Variants in CCDC91 observed in about 807,000 individuals in gnomAD.
CCDC91 encodes the protein coiled-coil domain containing 91.
In CCDC91, 48 loss-of-function variants were observed where a neutral mutation model predicts 63.2. The ratio of observed to expected loss-of-function variants is 0.76; its 90% CI spans 0.60 to 0.97. The LOEUF (loss-of-function observed/expected upper bound fraction) is 0.97. Ranked by LOEUF, CCDC91 falls within the 50% of genes least tolerant of loss-of-function variation. The probability of loss-of-function intolerance (pLI) is 0.00; values close to 1 mark genes in which losing one functional copy is unlikely to be tolerated. For missense variants in CCDC91, 500 were observed against 494.6 expected, an observed-to-expected ratio of 1.01 and a Z score of -0.10; for synonymous variants, 167 against 165.8, an observed-to-expected ratio of 1.01 and a Z score of -0.06.
At chr12:28,204,298 T>C (rs1356840551) in intron 1 of CCDC91, among the ~76,000 whole-genome samples, 1 of 152,224 alleles carries the variant, frequency 6.6e-6, no homozygotes, top group Non-Finnish European at 1.5e-5. Context: ...TTATATCACT[T>C]TTCTGCATGA....
At position 28,391,377 on chromosome 12, in the gene CCDC91, A is replaced by G; in HGVS notation, c.728A>G (p.Gln243Arg). 1 of 1,612,192 alleles carries G rather than the reference A, an allele frequency of 6.2e-7. No individual in the cohort carries two copies. The highest frequency in any genetic ancestry group is 8.5e-7 in the Non-Finnish European group (1 of 1,178,386). Residue 243 changes from glutamine to arginine, a missense_variant, in exon 8 of 13, where the codon CAG (glutamine) becomes CGG (arginine). Gln to Arg is a conservative substitution (Grantham distance 43). Coordinates refer to ENST00000536442, the MANE Select transcript of CCDC91 (RefSeq NM_018318.5). ...EKQYISAIEK[Q>R]AHKCEELLNA... is the part of the protein sequence containing the mutation. ...CAGTACATTTCTGCAATTGAGAAAC[A>G]GGCACACAAGTGTGAGGAGTTGCTA...
chr12:28,310,234 G>A (rs1203154325), intron 6 of CCDC91, among the ~76,000 whole-genome samples: 1 of 152,038 alleles, frequency 6.6e-6, no homozygotes, highest in Non-Finnish European at 1.5e-5. Flanking sequence ...GGACCCTTTA[G>A]TGAGACATAC....
intron 3 of CCDC91, among the ~76,000 whole-genome samples, chr12:28,303,976 A>G (rs561655372): frequency 2.6e-5 from 4 of 152,256 alleles, no homozygotes; most frequent in Admixed American, 6.6e-5. Flanking sequence ...AACTCTCACT[A>G]TTCTACTTGT....
At chr12:28,514,977 G>T (rs7312574) in intron 12 of CCDC91, among the ~76,000 whole-genome samples, 110,100 of 151,500 alleles carry the variant, frequency 0.73, 40,415 homozygotes, top group Non-Finnish European at 0.76. Context: ...GACAAAAGTT[G>T]ACCTATGTAA....
At chr12:28,228,509 C>A (rs373575796) in intron 1 of CCDC91, among the ~76,000 whole-genome samples, 1 of 151,980 alleles carries the variant, frequency 6.6e-6, no homozygotes, top group Non-Finnish European at 1.5e-5. Flanking sequence ...GAATTCTTAT[C>A]GATGGTAACC....
rs1295490700 is a variant in CCDC91 at position 28,549,204 on chromosome 12, G to T, written c.*31G>T. The T allele has an allele frequency of 8.4e-7, 1 of 1,185,648 alleles. No individual in the cohort carries two copies. Among genetic ancestry groups the T allele is most frequent in the Non-Finnish European group, 1.3e-6 (1 of 791,994 alleles). 73.4% of individuals were successfully genotyped at this position (1,185,648 alleles called of 1,614,324 possible). ...ACATGACAAACCCACACTGGCATTG[G>T]ATAAATCATATTACACCTTCAAAAT... On this transcript the variant is annotated 3_prime_UTR_variant, in exon 13 of 13. Transcript: ENST00000536442.
intron 12 of CCDC91, 64 bp downstream of exon 12, chr12:28,484,229 A>ATTG (rs1951601943): frequency 1.3e-6 from 1 of 774,062 alleles, no homozygotes; most frequent in African/African-American, 1.8e-5. Flanking sequence ...CTTCCATACA[A>ATTG]TAACATGAAA....
In CCDC91 at chr12:28,484,043, C is replaced by T; in HGVS notation, c.1102-9C>T. ...CCTCCCTGACTGTTTTGCCTTCTCC[C>T]ACAAACAGGAAACTGTTAAGGCAGC... On this transcript the variant is annotated splice_polypyrimidine_tract_variant and intron_variant, in intron 11 of 12. Transcript: ENST00000536442. The T allele has an allele frequency of 6.3e-7, 1 of 1,592,612 alleles. No homozygotes were observed. Among genetic ancestry groups the T allele is most frequent in the Non-Finnish European group, 8.6e-7 (1 of 1,164,682 alleles).
At chr12:28,197,377 G>A (rs1414504477) in intron 1 of CCDC91, among the ~76,000 whole-genome samples, 6 of 152,052 alleles carry the variant, frequency 3.9e-5, no homozygotes, top group Non-Finnish European at 7.4e-5. Flanking sequence ...AATTACTGAT[G>A]AATTACGTAT....
At chr12:28,486,439 A>G (rs1239777085) in intron 12 of CCDC91, among the ~76,000 whole-genome samples, 1 of 152,104 alleles carries the variant, frequency 6.6e-6, no homozygotes, top group Admixed American at 6.6e-5. Context: ...TATATGGCCA[A>G]TCTTTATTTG....
chr12:28,464,916 G>A (rs1328447925), intron 11 of CCDC91, among the ~76,000 whole-genome samples: 1 of 152,124 alleles, frequency 6.6e-6, no homozygotes, highest in Non-Finnish European at 1.5e-5. Flanking sequence ...CTTGGCTCTT[G>A]GATGACATTT....
intron 1 of CCDC91, among the ~76,000 whole-genome samples, chr12:28,205,310 C>T (rs1942762640): frequency 6.6e-6 from 1 of 150,590 alleles, no homozygotes; most frequent in Non-Finnish European, 1.5e-5. Context: ...AATTAGAAGT[C>T]ATTTATAGAT....
intron 1 of CCDC91, among the ~76,000 whole-genome samples, chr12:28,251,730 C>G (rs192409947): frequency 6.6e-6 from 1 of 152,198 alleles, no homozygotes; most frequent in Admixed American, 6.5e-5. Context: ...AAATTACACT[C>G]ATGATGGTAA....
intron 8 of CCDC91, among the ~76,000 whole-genome samples, chr12:28,440,525 A>G (rs1451696044): frequency 2.6e-5 from 4 of 152,350 alleles, no homozygotes; most frequent in South Asian, 4.1e-4. Flanking sequence ...TGTAGGCAAT[A>G]ATTTTGTGGT....
chr12:28,416,850 C>T (rs1947693439), intron 8 of CCDC91, among the ~76,000 whole-genome samples: 1 of 152,086 alleles, frequency 6.6e-6, no homozygotes, highest in Non-Finnish European at 1.5e-5. Flanking sequence ...TGGTTATACA[C>T]ACACACTTAT....
chr12:28,442,306 T>G (rs1180302266), intron 8 of CCDC91, among the ~76,000 whole-genome samples: 4 of 152,116 alleles, frequency 2.6e-5, no homozygotes, highest in Admixed American at 1.3e-4. Context: ...TCGTGACATA[T>G]TTTACTTAGA....
intron 8 of CCDC91, among the ~76,000 whole-genome samples, chr12:28,447,478 T>C (rs116556073): frequency 0.02 from 3,015 of 151,706 alleles, 109 homozygotes; most frequent in African/African-American, 0.067. Context: ...TCAAAATACA[T>C]TGTATTGAAA....
chr12:28,356,024 G>GCT (rs1943502392), intron 6 of CCDC91, among the ~76,000 whole-genome samples: 1 of 151,698 alleles, frequency 6.6e-6, no homozygotes, highest in Admixed American at 6.6e-5. Context: ...TATCATGTGT[G>GCT]TTTTTTTTCT....
At position 28,391,418 on chromosome 12, in the gene CCDC91, A is replaced by G; in HGVS notation, c.762+7A>G. The G allele has an allele frequency of 6.7e-7, 1 of 1,498,672 alleles. No individual in the cohort carries two copies. Among genetic ancestry groups the G allele is most frequent in the Admixed American group, 1.7e-5 (1 of 59,840 alleles). 92.8% of individuals were successfully genotyped at this position (1,498,672 alleles called of 1,614,324 possible). ...GGAGTTGCTAAATGCTCAGGTAATAAAAGTGCACATCCATTATATATTTAT... is the reference window on the plus strand; with the variant it reads ...GGAGTTGCTAAATGCTCAGGTAATAGAAGTGCACATCCATTATATATTTAT... On this transcript the variant is annotated splice_region_variant and intron_variant, in intron 8 of 12. Coordinates refer to ENST00000536442, the MANE Select transcript of CCDC91 (RefSeq NM_018318.5).
Sources: allele counts gnomAD v4.1 joint callset (sites outside exome capture counted in the v4.1 genomes callset), GRCh38; gene constraint gnomAD v4.1.1; transcripts MANE v1.5; gene names NCBI Gene and HGNC (gene_info 2026-07-23, HGNC 2026-07-21).